The following UMAD1 variants were observed in gnomAD, a reference collection of about 807,000 sequenced individuals.
UMAD1 encodes the protein UBAP1-MVB12-associated (UMA) domain containing 1.
In UMAD1, 8 loss-of-function variants were observed where a neutral mutation model predicts 6.1. The ratio of observed to expected loss-of-function variants is 1.30; its 90% CI spans 0.76 to 2.35. The LOEUF is 2.35. Ranked by LOEUF, UMAD1 falls within the 30% of genes most tolerant of loss-of-function variation. The pLI, the probability that UMAD1 is intolerant of heterozygous loss-of-function variation, is 0.00. For synonymous variants in UMAD1, 56 were observed against 31.4 expected (o/e 1.78, Z -2.61); for missense variants, 130 against 78.4 (o/e 1.66, Z -2.49).
chr7:7,842,769 C>G (rs923781357), intron 3 of UMAD1, among the ~76,000 whole-genome samples: 2 of 152,098 alleles, frequency 1.3e-5, no homozygotes, highest in East Asian at 3.8e-4. Context: ...TTAGCCTATC[C>G]TGAGAAAATT....
At chr7:7,696,315 C>A (rs1780315965) in intron 2 of UMAD1, among the ~76,000 whole-genome samples, 2 of 150,702 alleles carry the variant, frequency 1.3e-5, no homozygotes, top group Admixed American at 6.6e-5. Context: ...AAAAAAAACA[C>A]CCCAAAACAA....
intron 3 of UMAD1, among the ~76,000 whole-genome samples, chr7:7,862,721 A>C (rs140690320): frequency 4.6e-4 from 70 of 152,340 alleles, no homozygotes; most frequent in African/African-American, 1.7e-3. Context: ...GTTTAAACTC[A>C]GTTTCTATAG....
At chr7:7,796,250 T>C (rs1245500988) in intron 2 of UMAD1, among the ~76,000 whole-genome samples, 17 of 122,292 alleles carry the variant, frequency 1.4e-4, no homozygotes, top group African/African-American at 6.0e-4. Context: ...CTTTCTTTTT[T>C]TTTTTTTTTT....
chr7:7,710,720 C>T (rs899140691), intron 2 of UMAD1, among the ~76,000 whole-genome samples: 6 of 152,098 alleles, frequency 3.9e-5, no homozygotes, highest in Non-Finnish European at 5.9e-5. Flanking sequence ...AAATTGAAGA[C>T]GTATATGTGC....
At chr7:7,770,357 C>A (rs975495113) in intron 2 of UMAD1, among the ~76,000 whole-genome samples, 3 of 152,188 alleles carry the variant, frequency 2.0e-5, no homozygotes, top group African/African-American at 7.2e-5. Context: ...CTCTGTTTAT[C>A]ATTGACTCTC....
intron 2 of UMAD1, among the ~76,000 whole-genome samples, chr7:7,674,536 T>C (rs1779690153): frequency 6.6e-6 from 1 of 152,216 alleles, no homozygotes; most frequent in Admixed American, 6.5e-5. Context: ...GGGAGGTTGC[T>C]CAGAATTGTT....
chr7:7,841,000 G>T (rs1275681412), intron 3 of UMAD1, among the ~76,000 whole-genome samples: 1 of 152,158 alleles, frequency 6.6e-6, no homozygotes, highest in African/African-American at 2.4e-5. Flanking sequence ...ACAGCTGGTT[G>T]CTATTTTCCT....
At chr7:7,841,500 C>G in intron 3 of UMAD1, among the ~76,000 whole-genome samples, 1 of 151,976 alleles carries the variant, frequency 6.6e-6, no homozygotes, top group Admixed American at 6.6e-5. Context: ...GTTGGGTTCT[C>G]CTTATGTTGC....
intron 2 of UMAD1, among the ~76,000 whole-genome samples, chr7:7,705,986 T>C (rs1015427795): frequency 2.0e-5 from 3 of 152,170 alleles, no homozygotes; most frequent in African/African-American, 7.2e-5. Context: ...AAAAGGTATG[T>C]GTACTCTATA....
chr7:7,849,253 T>G (rs1170279807), intron 3 of UMAD1, among the ~76,000 whole-genome samples: 1 of 152,212 alleles, frequency 6.6e-6, no homozygotes, highest in East Asian at 1.9e-4. Context: ...CATTGCGTGC[T>G]GCTCCTCCTT....
In UMAD1 at chr7:7,838,305, A is replaced by G. The variant is rs188759674; in HGVS notation, c.156+36562A>G. 3.6e-3 allele frequency among the ~76,000 whole-genome samples: 554 copies of G among 152,238 alleles called. 4 individuals carry two copies. Among genetic ancestry groups the G allele is most frequent in the African/African-American group, 0.012 (515 of 41,546 alleles). ...ACAGGGTATAGTTTGTTGACCTCTG[A>G]AATAGAGAGTAAAAATTAGTGAGGG... On this transcript the variant is annotated intron_variant, in intron 3 of 3. Coordinates refer to ENST00000682710, the MANE Select transcript of UMAD1 (RefSeq NM_001302348.2).
intron 1 of UMAD1, among the ~76,000 whole-genome samples, chr7:7,650,930 T>C (rs1445725626): frequency 6.6e-6 from 1 of 152,220 alleles, no homozygotes; most frequent in African/African-American, 2.4e-5. Flanking sequence ...TCTTGGTTAA[T>C]GTATAGTCAG....
At chr7:7,854,821 G>C (rs549514910) in intron 3 of UMAD1, among the ~76,000 whole-genome samples, 1 of 152,134 alleles carries the variant, frequency 6.6e-6, no homozygotes, top group Non-Finnish European at 1.5e-5. Flanking sequence ...CTAATCTAAA[G>C]CAAGGCAAAT....
At chr7:7,733,365 G>A (rs1781293100) in intron 2 of UMAD1, among the ~76,000 whole-genome samples, 1 of 151,980 alleles carries the variant, frequency 6.6e-6, no homozygotes. Context: ...TATTGGTTTA[G>A]TGAGAATATC....
intron 3 of UMAD1, among the ~76,000 whole-genome samples, chr7:7,855,462 G>A (rs990888268): frequency 1.3e-5 from 2 of 152,238 alleles, no homozygotes; most frequent in African/African-American, 4.8e-5. Context: ...CCTGGAAGCT[G>A]CCAAGGCTTG....
At chr7:7,744,948 G>A (rs1180087648) in intron 2 of UMAD1, among the ~76,000 whole-genome samples, 1 of 152,148 alleles carries the variant, frequency 6.6e-6, no homozygotes, top group Non-Finnish European at 1.5e-5. Flanking sequence ...GGAAATCTGT[G>A]TATAAGTTTT....
intron 2 of UMAD1, among the ~76,000 whole-genome samples, chr7:7,781,901 G>T (rs543565026): frequency 6.6e-6 from 1 of 151,930 alleles, no homozygotes; most frequent in Non-Finnish European, 1.5e-5. Flanking sequence ...GTAGAATTCT[G>T]ATCTGTTCTT....
chr7:7,805,317 C>T (rs1381093604), intron 3 of UMAD1, among the ~76,000 whole-genome samples: 3 of 148,326 alleles, frequency 2.0e-5, no homozygotes, highest in Non-Finnish European at 4.5e-5. Flanking sequence ...TGTTTAATAT[C>T]ACCACCCTAT....
intron 3 of UMAD1, among the ~76,000 whole-genome samples, chr7:7,843,883 C>CT (rs1435697682): frequency 6.6e-6 from 1 of 152,134 alleles, no homozygotes; most frequent in Non-Finnish European, 1.5e-5. Context: ...ATTGCAAAAA[C>CT]TAACAGGGAA....
Sources: allele counts gnomAD v4.1 joint callset (sites outside exome capture counted in the v4.1 genomes callset), GRCh38; gene constraint gnomAD v4.1.1; transcripts MANE v1.5; gene names NCBI Gene and HGNC (gene_info 2026-07-23, HGNC 2026-07-21).